FAM184B: variants seen among roughly 807,000 people sequenced by gnomAD.
FAM184B encodes the protein protein FAM184B.
Under a neutral mutation model 135.9 loss-of-function variants are expected in FAM184B, and 111 were observed. The observed-to-expected ratio is 0.82, with a 90% CI of 0.70 to 0.96. The LOEUF (loss-of-function observed/expected upper bound fraction) is 0.96, where lower values mean the gene tolerates loss of function less well. FAM184B is among the 40% of genes least tolerant of loss of function. The pLI is 0.00. For synonymous variants in FAM184B, 552 were observed against 524.8 expected, an observed-to-expected ratio of 1.05 and a Z score of -0.71; for missense variants, 1,375 against 1,323.9, an observed-to-expected ratio of 1.04 and a Z score of -0.60.
At chr4:17,637,277 T>C (rs1860599) in intron 14 of FAM184B, among the ~76,000 whole-genome samples, 80,048 of 152,146 alleles carry the variant, frequency 0.53, 23,721 homozygotes, top group East Asian at 0.88. Flanking sequence ...TCCGCCCTCC[T>C]GGGCCTCCCA....
At position 17,693,359 on chromosome 4, in the gene FAM184B, C is replaced by G. The variant is rs750749668; in HGVS notation, c.1431G>C (p.Lys477Asn). 6.4e-7 allele frequency: 1 copy of G among 1,551,576 alleles called. No homozygotes were observed. The highest frequency in any genetic ancestry group is 8.7e-7 in the Non-Finnish European group (1 of 1,146,988). The change falls in exon 6 of 18, where the codon AAG becomes AAC. Residue 477 changes from lysine (K) to asparagine (N), a missense_variant. Lys to Asn is a moderately conservative substitution (Grantham distance 94). Transcript: ENST00000265018. ...GGGCTGCTTTCTCTTCTTCCAGCTG[C>G]TTTATCTCCTTTTCTGATTTCTTCC... ...EVRKKSEKEI[K>N]QLEEEKAALN...
At chr4:17,739,841 C>A (rs1717991299) in intron 1 of FAM184B, among the ~76,000 whole-genome samples, 1 of 152,012 alleles carries the variant, frequency 6.6e-6, no homozygotes, top group Admixed American at 6.5e-5. Context: ...CAGGCTCAAG[C>A]CACTGCACCC....
At chr4:17,738,631 T>C (rs996168757) in intron 1 of FAM184B, among the ~76,000 whole-genome samples, 4 of 151,440 alleles carry the variant, frequency 2.6e-5, no homozygotes, top group African/African-American at 9.7e-5. Flanking sequence ...TGTCTGACTG[T>C]AAAAAAAAAT....
intron 10 of FAM184B, among the ~76,000 whole-genome samples, chr4:17,656,196 A>C (rs1303055143): frequency 6.6e-6 from 1 of 152,164 alleles, no homozygotes; most frequent in Non-Finnish European, 1.5e-5. Flanking sequence ...GGTCCACAGC[A>C]TGAAGGAATA....
chr4:17,670,172 C>T (rs1716139266), intron 7 of FAM184B, among the ~76,000 whole-genome samples: 1 of 152,034 alleles, frequency 6.6e-6, no homozygotes, highest in South Asian at 2.1e-4. Context: ...AAATTTATAG[C>T]TTTAAATGTA....
intron 1 of FAM184B, among the ~76,000 whole-genome samples, chr4:17,759,096 C>G (rs1718485581): frequency 3.9e-5 from 6 of 152,180 alleles, no homozygotes; most frequent in Admixed American, 3.9e-4. Context: ...CTTGAACTTC[C>G]ATTAAGTGTA....
At chr4:17,704,100 C>G (rs1172455532) in intron 5 of FAM184B, among the ~76,000 whole-genome samples, 1 of 152,124 alleles carries the variant, frequency 6.6e-6, no homozygotes, top group Non-Finnish European at 1.5e-5. Context: ...CTCGTAACCC[C>G]CACACAACAG....
intron 7 of FAM184B, among the ~76,000 whole-genome samples, chr4:17,679,719 C>T (rs768452430): frequency 1.3e-5 from 2 of 152,158 alleles, no homozygotes; most frequent in African/African-American, 2.4e-5. Flanking sequence ...AAGATACTTG[C>T]ACACGCATGT....
In FAM184B at chr4:17,632,388, T is replaced by A; in HGVS notation, c.*144A>T. Reference sequence around the variant, plus strand: ...CTGTGCCTGGCAGAACAGTATGAAGTGTTAACGCCAAAATTTGTTTTAGCT... The same window carrying A: ...CTGTGCCTGGCAGAACAGTATGAAGAGTTAACGCCAAAATTTGTTTTAGCT... On this transcript the variant is annotated 3_prime_UTR_variant, in exon 18 of 18. Coordinates refer to ENST00000265018, the MANE Select transcript of FAM184B (RefSeq NM_015688.2). The A allele has an allele frequency of 1.6e-6, 1 of 619,134 alleles. No individual in the cohort carries two copies. The highest frequency in any genetic ancestry group is 2.7e-6 in the Non-Finnish European group (1 of 364,332). The allele number at this position is 619,134 out of a possible 1,614,324, so 38.4% of individuals were successfully genotyped here. A position where few individuals can be genotyped will look rare whatever the true frequency, so the allele number is the denominator to read the frequency against.
At chr4:17,643,144 A>T (rs1297985391) in intron 12 of FAM184B, among the ~76,000 whole-genome samples, 1 of 152,160 alleles carries the variant, frequency 6.6e-6, no homozygotes, top group Non-Finnish European at 1.5e-5. Flanking sequence ...TCCTTGACCA[A>T]TGGAGGACAG....
intron 9 of FAM184B, among the ~76,000 whole-genome samples, 157 bp downstream of exon 9, chr4:17,659,801 T>C (rs887004235): frequency 2.0e-5 from 3 of 152,150 alleles, no homozygotes; most frequent in Admixed American, 6.5e-5. Context: ...AGGTTTGGAA[T>C]GAATGAATAA....
At chr4:17,640,353 G>A (rs1457180488) in intron 13 of FAM184B, among the ~76,000 whole-genome samples, 5 of 150,952 alleles carry the variant, frequency 3.3e-5, no homozygotes, top group Non-Finnish European at 7.4e-5. Flanking sequence ...GCATGGTGGT[G>A]TCCGCCTGTA....
chr4:17,744,720 A>G (rs1035535597), intron 1 of FAM184B, among the ~76,000 whole-genome samples: 1 of 143,488 alleles, frequency 7.0e-6, no homozygotes, highest in East Asian at 2.0e-4. Flanking sequence ...ACTCCATCTC[A>G]AAAAAAAAAA....
chr4:17,662,734 G>A (rs1014815680), intron 8 of FAM184B, among the ~76,000 whole-genome samples: 1 of 152,198 alleles, frequency 6.6e-6, no homozygotes, highest in Non-Finnish European at 1.5e-5. Context: ...TTTCTAAAGT[G>A]ATTTACCATT....
rs1719026202 is a variant in FAM184B, at chr4:17,781,208, TCA to T, written c.90_91del (p.Cys30Ter). ...GCACATTTTCACGTGCATCTGGGGA[TCA>T]CAGTCCATTCTCCAGCCGGCGCCAC... On this transcript the variant is annotated stop_gained and frameshift_variant, in exon 1 of 18. Transcript: ENST00000265018. LOFTEE classifies it high-confidence loss of function. The surrounding 1 kb of genome is among the most constrained non-coding windows in gnomAD (Gnocchi z 6.5). The T allele has an allele frequency of 7.7e-6, 12 of 1,550,638 alleles. No individual in the cohort carries two copies. Among genetic ancestry groups the T allele is most frequent in the Non-Finnish European group, 1.0e-5 (12 of 1,146,552 alleles).
chr4:17,760,101 A>G (rs1040292432), intron 1 of FAM184B, among the ~76,000 whole-genome samples: 8 of 152,112 alleles, frequency 5.3e-5, no homozygotes, highest in Non-Finnish European at 5.9e-5. Context: ...CCTACCCAAC[A>G]GCCCCATGGA....
In FAM184B at chr4:17,666,188, C is replaced by G. The variant is rs532860221; in HGVS notation, c.1597-1529G>C. Among the ~76,000 whole-genome samples the G allele has an allele frequency of 5.9e-5, 9 of 152,188 alleles. No homozygotes were observed. In the South Asian group the frequency reaches 1.9e-3, roughly 32 times the overall value. ...ATCTTTTACTTATTAACGATGTGAC[C>G]TTGGGAAAATTACTTAGGTTTTCAT... On this transcript the variant is annotated intron_variant, in intron 7 of 17. Coordinates refer to ENST00000265018, the MANE Select transcript of FAM184B (RefSeq NM_015688.2).
chr4:17,689,005 T>C (rs1716662377), intron 6 of FAM184B, among the ~76,000 whole-genome samples: 1 of 152,084 alleles, frequency 6.6e-6, no homozygotes, highest in South Asian at 2.1e-4. Context: ...GAAATGCCAT[T>C]TCTAATGAGC....
rs1718036761 is a variant in FAM184B, at chr4:17,741,613, A to C, written c.142-31969T>G. On this transcript the variant is annotated intron_variant, in intron 1 of 17. Transcript: ENST00000265018. The stretch of plus-strand genomic sequence containing the variant: ...GGAGGCTGAGACACAAGAATCGATT[A>C]ACCCAGGAGGCGGAAGTTGCAGTGA... Among the ~76,000 whole-genome samples, 3 of 152,332 alleles carry C rather than the reference A, an allele frequency of 2.0e-5. No individual in the cohort carries two copies. In the South Asian group the frequency reaches 6.2e-4, roughly 32 times the overall value.
Sources: gnomAD v4.1 joint callset for allele counts (sites outside exome capture counted in the v4.1 genomes callset) on GRCh38, gnomAD v4.1.1 for gene constraint, Gnocchi (gnomAD v3.1) non-coding constraint, MANE v1.5 for transcripts, NCBI Gene and HGNC (gene_info 2026-07-23, HGNC 2026-07-21) for gene names.